The following CTNNA2 variants were observed in gnomAD, a reference collection of about 807,000 sequenced individuals.
The protein encoded by CTNNA2 is catenin alpha-2.
In CTNNA2, 42 loss-of-function variants were observed where a neutral mutation model predicts 101.0. That is an observed-to-expected ratio of 0.42 (90% CI 0.32 to 0.54). The LOEUF (loss-of-function observed/expected upper bound fraction) is 0.54. Among genes scored for constraint, CTNNA2 ranks in the 20% least tolerant of loss-of-function variants. CTNNA2 has a pLI of 0.14. For synonymous variants in CTNNA2, 450 were observed against 456.4 expected, an observed-to-expected ratio of 0.99 and a Z score of 0.18; for missense variants, 871 against 1,223.1, an observed-to-expected ratio of 0.71 and a Z score of 4.29.
intron 7 of CTNNA2, among the ~76,000 whole-genome samples, chr2:80,271,999 T>A (rs369976466): frequency 6.6e-6 from 1 of 152,184 alleles, no homozygotes; most frequent in African/African-American, 2.4e-5. Context: ...TGGATTCCAC[T>A]GGAATATGAA....
intron 3 of CTNNA2, among the ~76,000 whole-genome samples, chr2:79,790,781 A>T (rs184875590): frequency 1.3e-5 from 2 of 152,300 alleles, no homozygotes; most frequent in African/African-American, 4.8e-5. Flanking sequence ...TATTGATGTC[A>T]TTTAATGCCC....
intron 3 of CTNNA2, among the ~76,000 whole-genome samples, chr2:79,342,910 T>A (rs1399995569): frequency 6.6e-6 from 1 of 152,220 alleles, no homozygotes; most frequent in Non-Finnish European, 1.5e-5. Context: ...GGCTAGTCCC[T>A]TGTCTCTGCC....
intron 17 of CTNNA2, among the ~76,000 whole-genome samples, chr2:80,617,909 A>G (rs1040753332): frequency 6.6e-6 from 1 of 151,764 alleles, no homozygotes. Flanking sequence ...TTTGCAAGCT[A>G]TTGTTTTGAA....
chr2:79,847,665 G>A (rs998237462), intron 3 of CTNNA2, among the ~76,000 whole-genome samples: 1 of 149,718 alleles, frequency 6.7e-6, no homozygotes, highest in African/African-American at 2.5e-5. Context: ...AATTTCATCT[G>A]CATGATGCCC....
chr2:80,092,018 G>A (rs573709748), intron 7 of CTNNA2, among the ~76,000 whole-genome samples: 7 of 152,066 alleles, frequency 4.6e-5, no homozygotes, highest in Non-Finnish European at 1.0e-4. Context: ...CTCAGGAAAT[G>A]TATCTTATTT....
intron 7 of CTNNA2, among the ~76,000 whole-genome samples, chr2:80,254,679 A>G (rs1039004940): frequency 6.6e-6 from 1 of 152,202 alleles, no homozygotes; most frequent in African/African-American, 2.4e-5. Context: ...ACTGTTAGCA[A>G]AATACTGATT....
At chr2:80,496,618 A>G (rs1687496224) in intron 9 of CTNNA2, among the ~76,000 whole-genome samples, 1 of 152,082 alleles carries the variant, frequency 6.6e-6, no homozygotes, top group Non-Finnish European at 1.5e-5. Flanking sequence ...AAGATGAAAA[A>G]CAATGGCTGT....
At chr2:80,605,553 T>C (rs2149778482) in intron 16 of CTNNA2, 1 of 151,976 alleles carries the variant, frequency 6.6e-6, no homozygotes, top group South Asian at 2.1e-4. Flanking sequence ...CTTATTGTAG[T>C]TTTCCTCCCT....
chr2:80,629,226 C>T (rs887838343), intron 18 of CTNNA2, among the ~76,000 whole-genome samples: 3 of 152,112 alleles, frequency 2.0e-5, no homozygotes, highest in Non-Finnish European at 4.4e-5. Flanking sequence ...CTGGACATAA[C>T]AGCAGTGAGC....
chr2:80,019,906 T>C (rs1694434147), intron 7 of CTNNA2, among the ~76,000 whole-genome samples: 1 of 152,182 alleles, frequency 6.6e-6, no homozygotes, highest in Non-Finnish European at 1.5e-5. Context: ...CGAGCAGACA[T>C]TTAGACCCCT....
intron 9 of CTNNA2, among the ~76,000 whole-genome samples, chr2:80,433,968 T>G (rs181764972): frequency 1.6e-3 from 237 of 152,320 alleles, no homozygotes; most frequent in Non-Finnish European, 2.9e-3. Context: ...CAATTCAACC[T>G]TTGTCCCAAT....
intron 4 of CTNNA2, among the ~76,000 whole-genome samples, chr2:79,387,050 GTC>G (rs1678113883): frequency 6.6e-6 from 1 of 152,144 alleles, no homozygotes; most frequent in Non-Finnish European, 1.5e-5. Context: ...CTTATAAGTT[GTC>G]TCTGTTTTTG....
intron 7 of CTNNA2, among the ~76,000 whole-genome samples, chr2:80,271,435 T>TC (rs2149139860): frequency 6.6e-6 from 1 of 151,936 alleles, no homozygotes; most frequent in South Asian, 2.1e-4. Flanking sequence ...TTTTTTTTTT[T>TC]TTCTGAGATG....
intron 4 of CTNNA2, among the ~76,000 whole-genome samples, chr2:79,483,596 T>C (rs552601382): frequency 1.4e-4 from 22 of 152,302 alleles, no homozygotes; most frequent in African/African-American, 5.1e-4. Flanking sequence ...CCAAAGTCCA[T>C]GTATTGTTCT....
At chr2:79,716,015 C>A (rs1686073092) in intron 2 of CTNNA2, among the ~76,000 whole-genome samples, 1 of 149,058 alleles carries the variant, frequency 6.7e-6, no homozygotes, top group Admixed American at 6.7e-5. Flanking sequence ...AGTTAATCGA[C>A]TATAAGGATT....
intron 7 of CTNNA2, among the ~76,000 whole-genome samples, chr2:80,178,759 G>A (rs945501184): frequency 1.3e-5 from 2 of 152,106 alleles, no homozygotes; most frequent in African/African-American, 4.8e-5. Context: ...TTGTAGGAGG[G>A]GCCAAATGCA....
chr2:79,829,671 G>A (rs972657833), intron 3 of CTNNA2, among the ~76,000 whole-genome samples: 6 of 151,372 alleles, frequency 4.0e-5, no homozygotes, highest in African/African-American at 1.2e-4. Context: ...CGTATTCCTC[G>A]TAGGGAGATT....
At chr2:79,647,195 G>A (rs890934340) in intron 1 of CTNNA2, among the ~76,000 whole-genome samples, 5 of 152,102 alleles carry the variant, frequency 3.3e-5, no homozygotes, top group African/African-American at 4.8e-5. Context: ...TTGTTTTCTC[G>A]TTTGTGTCAA....
chr2:79,530,766 A>G (rs904192079), intron 1 of CTNNA2, among the ~76,000 whole-genome samples: 1 of 152,114 alleles, frequency 6.6e-6, no homozygotes, highest in Non-Finnish European at 1.5e-5. Context: ...TATGTTTCCA[A>G]AGATATTTAG....
Sources: gnomAD v4.1 joint callset for allele counts (sites outside exome capture counted in the v4.1 genomes callset) on GRCh38, gnomAD v4.1.1 for gene constraint, MANE v1.5 for transcripts, NCBI Gene and HGNC (gene_info 2026-07-23, HGNC 2026-07-21) for gene names.